The following WIPF3 variants were observed in gnomAD, a reference collection of about 807,000 sequenced individuals.
WIPF3 encodes the protein WAS/WASL-interacting protein family member 3.
WIPF3 carries 33 observed loss-of-function variants against 38.9 expected under a neutral mutation model. That is an observed-to-expected ratio of 0.85 (90% confidence interval 0.64 to 1.14). The LOEUF is 1.14. Among genes scored for constraint, WIPF3 ranks in the 50% most tolerant of loss-of-function variants. WIPF3 has a pLI of 0.00. For synonymous variants in WIPF3, 324 were observed against 269.3 expected, an observed-to-expected ratio of 1.20 and a Z score of -1.99; for missense variants, 711 against 652.5, an observed-to-expected ratio of 1.09 and a Z score of -0.98.
At chr7:29,857,026 A>G (rs1374238539) in intron 2 of WIPF3, among the ~76,000 whole-genome samples, 1 of 152,170 alleles carries the variant, frequency 6.6e-6, no homozygotes, top group Non-Finnish European at 1.5e-5. Context: ...AATATGAAGT[A>G]ATATATATTC....
intron 7 of WIPF3, among the ~76,000 whole-genome samples, chr7:29,902,268 C>CTTTTTTTTTTTTTTTTTTTTT (rs1267369053): frequency 8.5e-6 from 1 of 117,314 alleles, no homozygotes; most frequent in Non-Finnish European, 1.7e-5. Context: ...TCTTCTTCTT[C>CTTTTTTTTTTTTTTTTTTTTT]TTCTTCTTTT....
chr7:29,898,623 CATT>C (rs2128079414), intron 7 of WIPF3, among the ~76,000 whole-genome samples: 1 of 152,270 alleles, frequency 6.6e-6, no homozygotes, highest in South Asian at 2.1e-4. Flanking sequence ...CCTCCTACCT[CATT>C]GTGCTCTAAC....
At chr7:29,822,506 C>T (rs1784555175) in intron 1 of WIPF3, among the ~76,000 whole-genome samples, 1 of 152,166 alleles carries the variant, frequency 6.6e-6, no homozygotes, top group Non-Finnish European at 1.5e-5. Context: ...TTCTCTGCTC[C>T]CTGGTGGGTC....
At chr7:29,908,307 A>G (rs1414039817) in intron 8 of WIPF3, among the ~76,000 whole-genome samples, 1 of 152,234 alleles carries the variant, frequency 6.6e-6, no homozygotes, top group African/African-American at 2.4e-5. Flanking sequence ...AGACATAACA[A>G]TTACAGATAT....
chr7:29,820,893 C>G (rs756079521), intron 1 of WIPF3, among the ~76,000 whole-genome samples: 1 of 152,120 alleles, frequency 6.6e-6, no homozygotes, highest in Non-Finnish European at 1.5e-5. Context: ...CTTTATCTTC[C>G]TTTTTACCTG....
In WIPF3 at chr7:29,891,258, A is replaced by G. The variant is rs1349517616; in HGVS notation, c.1351+1851A>G. Reference sequence around the variant, plus strand: ...GGGGGCGAGGGCCTGCCCTGTGCTCAGGTGGAGGGGGCGAGGGCCTGCCCT... The same window carrying G: ...GGGGGCGAGGGCCTGCCCTGTGCTCGGGTGGAGGGGGCGAGGGCCTGCCCT... On this transcript the variant is annotated intron_variant, in intron 7 of 8. Transcript: ENST00000242140. Among the ~76,000 whole-genome samples the G allele has an allele frequency of 3.5e-5, 5 of 144,896 alleles. 1 individual carries two copies. The highest frequency in any genetic ancestry group is 1.0e-4 in the African/African-American group (4 of 38,690).
At chr7:29,875,723 TG>T (rs1785578129) in intron 2 of WIPF3, 106 bp from the exon 3 acceptor site, 1 of 1,439,814 alleles carries the variant, frequency 6.9e-7, no homozygotes, top group Admixed American at 1.9e-5. Flanking sequence ...GCCTTGGGAG[TG>T]GGACGGGGAA....
At chr7:29,895,961 C>T (rs1323962668) in intron 7 of WIPF3, among the ~76,000 whole-genome samples, 2 of 151,994 alleles carry the variant, frequency 1.3e-5, no homozygotes, top group East Asian at 1.9e-4. Flanking sequence ...AATCCAGAAA[C>T]GAAAGGCCAC....
At chr7:29,883,005 G>A (rs924652271) in intron 4 of WIPF3, among the ~76,000 whole-genome samples, 1 of 152,188 alleles carries the variant, frequency 6.6e-6, no homozygotes, top group Non-Finnish European at 1.5e-5. Context: ...CGAAAAAAGG[G>A]TGAGAACTGG....
intron 2 of WIPF3, among the ~76,000 whole-genome samples, chr7:29,862,155 C>T (rs552241203): frequency 1.8e-4 from 27 of 152,220 alleles, no homozygotes; most frequent in African/African-American, 6.5e-4. Context: ...GCATTTTCTT[C>T]CCAGAACACA....
chr7:29,846,051 C>T (rs1342962096), intron 2 of WIPF3, among the ~76,000 whole-genome samples: 1 of 151,992 alleles, frequency 6.6e-6, no homozygotes, highest in East Asian at 1.9e-4. Context: ...AAAAGAACAC[C>T]CTCAATGCAT....
chr7:29,835,082 T>G (rs1199332204), intron 2 of WIPF3, among the ~76,000 whole-genome samples: 1 of 151,886 alleles, frequency 6.6e-6, no homozygotes, highest in Admixed American at 6.6e-5. Flanking sequence ...TGCTGCTTGG[T>G]ACAGGCTCGC....
chr7:29,911,093 A>T (rs1165759768), intron 8 of WIPF3, among the ~76,000 whole-genome samples: 1 of 152,212 alleles, frequency 6.6e-6, no homozygotes, highest in Non-Finnish European at 1.5e-5. Context: ...AACACACAAA[A>T]ATATGGTTGT....
At chr7:29,849,905 G>A (rs958109531) in intron 2 of WIPF3, among the ~76,000 whole-genome samples, 14 of 152,202 alleles carry the variant, frequency 9.2e-5, no homozygotes, top group South Asian at 6.2e-4. Flanking sequence ...ATCTAAGACC[G>A]TGGTGGAATA....
At chr7:29,811,579 T>TAA (rs1784379212) in intron 1 of WIPF3, among the ~76,000 whole-genome samples, 1 of 152,110 alleles carries the variant, frequency 6.6e-6, no homozygotes. Flanking sequence ...GACCATGAGA[T>TAA]AAAAACAGAT....
intron 2 of WIPF3, among the ~76,000 whole-genome samples, chr7:29,868,384 A>G (rs994794476): frequency 6.6e-6 from 1 of 152,176 alleles, no homozygotes; most frequent in Non-Finnish European, 1.5e-5. Flanking sequence ...TTAGTGGGCC[A>G]TTGAAGCATT....
intron 2 of WIPF3, among the ~76,000 whole-genome samples, chr7:29,846,580 A>T (rs1161673544): frequency 6.6e-6 from 1 of 152,200 alleles, no homozygotes; most frequent in Non-Finnish European, 1.5e-5. Flanking sequence ...GTGCGCCTGT[A>T]ATCCCAGCTA....
intron 4 of WIPF3, among the ~76,000 whole-genome samples, chr7:29,881,604 A>T (rs1410974741): frequency 6.6e-6 from 1 of 152,252 alleles, no homozygotes; most frequent in Non-Finnish European, 1.5e-5. Flanking sequence ...CACAAAGGCA[A>T]AAGTGCCTAG....
chr7:29,888,552 C>T (rs1785939180), intron 6 of WIPF3, among the ~76,000 whole-genome samples: 1 of 151,106 alleles, frequency 6.6e-6, no homozygotes, highest in Admixed American at 6.6e-5. Flanking sequence ...GAAATCAATG[C>T]ATAAGCCTGA....
Sources: gnomAD v4.1 joint callset for allele counts (sites outside exome capture counted in the v4.1 genomes callset) on GRCh38, gnomAD v4.1.1 for gene constraint, MANE v1.5 for transcripts, NCBI Gene and HGNC (gene_info 2026-07-23, HGNC 2026-07-21) for gene names.